WDR70: variants seen among roughly 807,000 people sequenced by gnomAD.
WDR70 encodes WD repeat-containing protein 70.
Under a neutral mutation model 88.6 loss-of-function variants are expected in WDR70, and 53 were observed. That is an observed-to-expected ratio of 0.60 (90% CI 0.48 to 0.75). WDR70 has a LOEUF of 0.75. Among genes scored for constraint, WDR70 ranks in the 30% least tolerant of loss-of-function variants. WDR70 has a pLI of 0.00. For missense variants in WDR70, 610 were observed against 823.2 expected (o/e 0.74, Z 3.17); for synonymous variants, 280 against 270.0 (o/e 1.04, Z -0.36).
intron 5 of WDR70, among the ~76,000 whole-genome samples, chr5:37,414,886 A>G (rs1047528335): frequency 4.0e-5 from 6 of 149,082 alleles, no homozygotes; most frequent in African/African-American, 1.5e-4. Context: ...CAGATAAACA[A>G]GTGAACAAAG....
intron 10 of WDR70, among the ~76,000 whole-genome samples, chr5:37,625,592 T>G (rs1401653002): frequency 6.6e-6 from 1 of 152,150 alleles, no homozygotes; most frequent in Non-Finnish European, 1.5e-5. Flanking sequence ...TGGTGTGATC[T>G]CAGCTCACTA....
At chr5:37,593,122 C>A (rs1743585995) in intron 9 of WDR70, among the ~76,000 whole-genome samples, 1 of 152,188 alleles carries the variant, frequency 6.6e-6, no homozygotes, top group African/African-American at 2.4e-5. Flanking sequence ...CCACTGTACT[C>A]CAGCCTGGAC....
chr5:37,380,498 C>T (rs537442986), intron 2 of WDR70, among the ~76,000 whole-genome samples: 4 of 152,158 alleles, frequency 2.6e-5, no homozygotes, highest in African/African-American at 9.6e-5. Context: ...GCCACCTCGC[C>T]CGGCTGATTT....
intron 8 of WDR70, 124 bp from the exon 9 acceptor site, chr5:37,516,390 T>G (rs1482259689): frequency 1.9e-6 from 1 of 517,750 alleles, no homozygotes; most frequent in Non-Finnish European, 3.5e-6. Flanking sequence ...GGTTTATAAT[T>G]AAAATGGTGC....
intron 7 of WDR70, among the ~76,000 whole-genome samples, chr5:37,474,713 G>A (rs1476816485): frequency 6.6e-6 from 1 of 151,962 alleles, no homozygotes; most frequent in Non-Finnish European, 1.5e-5. Flanking sequence ...TCTTCCACAT[G>A]CTCTCCCCCT....
rs1425326256 is a variant in WDR70, at chr5:37,388,373, C to T, written c.176-3627C>T. Among the ~76,000 whole-genome samples the T allele has an allele frequency of 4.0e-5, 6 of 150,500 alleles. No individual in the cohort carries two copies. The East Asian group carries it at 1.2e-3, about 30-fold the overall frequency. ...CCTCGTGATCTGCCTGCCGCAGCCT[C>T]CCAAAGTGTTGGGATTACAGGCGTG... On this transcript the variant is annotated intron_variant, in intron 3 of 17. Transcript: ENST00000265107.
intron 3 of WDR70, among the ~76,000 whole-genome samples, chr5:37,390,366 G>A (rs1237920717): frequency 7.0e-6 from 1 of 142,612 alleles, no homozygotes; most frequent in Non-Finnish European, 1.5e-5. Context: ...TGGAGACCGA[G>A]TCTCACTCAG....
chr5:37,709,538 C>T (rs2112674518), intron 13 of WDR70, among the ~76,000 whole-genome samples: 1 of 151,094 alleles, frequency 6.6e-6, no homozygotes, highest in African/African-American at 2.4e-5. Flanking sequence ...CTTGGTCTTC[C>T]AAGATGTATG....
chr5:37,687,643 C>T (rs1191297730), intron 10 of WDR70, among the ~76,000 whole-genome samples: 1 of 152,068 alleles, frequency 6.6e-6, no homozygotes, highest in African/African-American at 2.4e-5. Flanking sequence ...GAAGTCTCCT[C>T]ATACTACAGC....
chr5:37,451,483 G>A (rs1312054834), intron 7 of WDR70, among the ~76,000 whole-genome samples: 5 of 152,190 alleles, frequency 3.3e-5, no homozygotes, highest in African/African-American at 9.6e-5. Flanking sequence ...TCTTAAAATC[G>A]AATTTTAATT....
intron 9 of WDR70, among the ~76,000 whole-genome samples, chr5:37,546,505 T>TA (rs1234725608): frequency 6.6e-6 from 1 of 152,258 alleles, no homozygotes. Flanking sequence ...ATAGGGATTA[T>TA]ATACTGTAGA....
In WDR70 at chr5:37,679,063, G is replaced by A. The variant is rs1581489471; in HGVS notation, c.1093-18592G>A. ...TCTGCATTCTTCACGTAGTTCTCGA[G>A]CCTTGGCTTTCAGCTCCATCAGCTC... On this transcript the variant is annotated intron_variant, in intron 10 of 17. Coordinates refer to ENST00000265107, the MANE Select transcript of WDR70 (RefSeq NM_018034.4). Among the ~76,000 whole-genome samples, 5 of 152,324 alleles carry A rather than the reference G, an allele frequency of 3.3e-5. No homozygotes were observed. In the South Asian group the frequency reaches 1.0e-3, roughly 32 times the overall value.
chr5:37,697,510 A>G, intron 10 of WDR70, 145 bp from the exon 11 acceptor site: 1 of 603,884 alleles, frequency 1.7e-6, no homozygotes, highest in Non-Finnish European at 2.8e-6. Context: ...TTTTTTTAGA[A>G]AGCAAATTAT....
intron 9 of WDR70, among the ~76,000 whole-genome samples, chr5:37,600,707 A>G (rs554627773): frequency 2.2e-4 from 33 of 152,172 alleles, no homozygotes; most frequent in Non-Finnish European, 3.4e-4. Flanking sequence ...TCACAATGGC[A>G]TTTTTCATAC....
At chr5:37,470,813 C>T (rs746900566) in intron 7 of WDR70, among the ~76,000 whole-genome samples, 9 of 151,568 alleles carry the variant, frequency 5.9e-5, no homozygotes, top group Non-Finnish European at 1.3e-4. Context: ...CATATATTTG[C>T]TTTTCTGTTG....
At chr5:37,648,165 G>GTA (rs1745294714) in intron 10 of WDR70, among the ~76,000 whole-genome samples, 1 of 152,152 alleles carries the variant, frequency 6.6e-6, no homozygotes, top group Non-Finnish European at 1.5e-5. Context: ...CAGCCATTTT[G>GTA]TATATGTTAA....
At chr5:37,565,630 C>T (rs1209657194) in intron 9 of WDR70, among the ~76,000 whole-genome samples, 1 of 152,086 alleles carries the variant, frequency 6.6e-6, no homozygotes, top group Non-Finnish European at 1.5e-5. Context: ...GTATTTACAA[C>T]TGTTAATTCC....
intron 5 of WDR70, among the ~76,000 whole-genome samples, chr5:37,411,200 C>A (rs6868108): frequency 0.11 from 16,571 of 152,100 alleles, 2,943 homozygotes; most frequent in African/African-American, 0.37. Context: ...GGCCTCAAGC[C>A]GCTTTCCTGT....
At chr5:37,391,855 C>T (rs1436198268) in intron 3 of WDR70, 145 bp from the exon 4 acceptor site, 1 of 803,544 alleles carries the variant, frequency 1.2e-6, no homozygotes, top group Non-Finnish European at 1.9e-6. Flanking sequence ...TTTCCAGTGG[C>T]TGTGGTTGAT....
Sources: gnomAD v4.1 joint callset for allele counts (sites outside exome capture counted in the v4.1 genomes callset) on GRCh38, gnomAD v4.1.1 for gene constraint, MANE v1.5 for transcripts, NCBI Gene and HGNC (gene_info 2026-07-23, HGNC 2026-07-21) for gene names.